The following ACOD1 variants were observed in gnomAD, a reference collection of about 807,000 sequenced individuals.
ACOD1 encodes aconitate decarboxylase 1, also known as cis-aconitate decarboxylase.
A neutral mutation model predicts 14.2 loss-of-function variants in ACOD1; 14 were observed. That is an observed-to-expected ratio of 0.99 (90% CI 0.65 to 1.54). The LOEUF (loss-of-function observed/expected upper bound fraction) is 1.54. Among genes scored for constraint, ACOD1 ranks in the 40% most tolerant of loss-of-function variants. ACOD1 has a pLI of 0.00. For missense variants in ACOD1, 530 were observed against 586.3 expected (o/e 0.90, Z 0.99); for synonymous variants, 182 against 221.7 (o/e 0.82, Z 1.59).
At chr13:76,954,588 C>T (rs1455227151) in intron 3 of ACOD1, among the ~76,000 whole-genome samples, 1 of 152,166 alleles carries the variant, frequency 6.6e-6, no homozygotes, top group Admixed American at 6.6e-5. Context: ...CGTATGGCCT[C>T]ATATGGAATA....
At position 76,957,675 on chromosome 13, in the gene ACOD1, C is replaced by A; in HGVS notation, c.1136C>A (p.Pro379Gln). ...CTGGAGTACCCTCCGGACAACTTGC[C>A]AAGCTTCAACATACTGTACTGTGAA... The part of the protein sequence containing the change: ...VELEYPPDNL[P>Q]SFNILYCEIS... The change falls in exon 5 of 5, where the codon CCA becomes CAA. Residue 379 changes from proline to glutamine, a missense_variant. Coordinates refer to ENST00000377462, the MANE Select transcript of ACOD1 (RefSeq NM_001258406.2). The A allele has an allele frequency of 3.2e-6, 5 of 1,550,598 alleles. No individual in the cohort carries two copies. Among genetic ancestry groups the A allele is most frequent in the Non-Finnish European group, 4.4e-6 (5 of 1,146,996 alleles).
At position 76,957,090 on chromosome 13, in the gene ACOD1, G is replaced by A; in HGVS notation, c.551G>A (p.Cys184Tyr). 6.4e-7 allele frequency: 1 copy of A among 1,550,646 alleles called. No individual in the cohort carries two copies. The highest frequency in any genetic ancestry group is 8.7e-7 in the Non-Finnish European group (1 of 1,147,010). Residue 184 changes from cysteine to tyrosine, a missense_variant, in exon 5 of 5, where the codon TGC becomes TAC. Cys to Tyr is a radical substitution (Grantham distance 194). Coordinates refer to ENST00000377462, the MANE Select transcript of ACOD1 (RefSeq NM_001258406.2). ...SKFLGLSSTK[C>Y]REALAIAVSH... ...TTTTTAGGACTTAGCTCGACAAAGT[G>A]CCGAGAAGCTCTGGCCATTGCTGTT...
Position 76,958,513 on chromosome 13 carries a change from T to C in ACOD1, c.*528T>C, listed in dbSNP as rs2033903168. The C allele has an allele frequency of 6.6e-6, 1 of 152,558 alleles. No homozygotes were observed. The highest frequency in any genetic ancestry group is 6.5e-5 in the Admixed American group (1 of 15,292). 9.5% of individuals were successfully genotyped at this position (152,558 alleles called of 1,614,324 possible). On this transcript the variant is annotated 3_prime_UTR_variant, in exon 5 of 5. Transcript: ENST00000377462. Reference sequence around the variant, plus strand: ...GTTACCATTAGCCCTCTGCCTCAGTTTCCCTATTTGTCAAGCCGAAGTAAA... The same window carrying C: ...GTTACCATTAGCCCTCTGCCTCAGTCTCCCTATTTGTCAAGCCGAAGTAAA...
chr13:76,953,258 T>C (rs2033840886), intron 2 of ACOD1, among the ~76,000 whole-genome samples: 1 of 152,246 alleles, frequency 6.6e-6, no homozygotes, highest in Admixed American at 6.5e-5. Flanking sequence ...GGGATGTATG[T>C]GAGAGCTCCT....
chr13:76,956,398 C>T lies in ACOD1; in HGVS notation c.471-612C>T, dbSNP rs35121126. On this transcript the variant is annotated intron_variant, in intron 4 of 4. Transcript: ENST00000377462. ...TGTATTTTTAGTAGAGACGGGGTTT[C>T]GTCATGTTGGCCAGGATGGTCTCGA... 8.7e-3 allele frequency among the ~76,000 whole-genome samples: 1,326 copies of T among 151,704 alleles called. 7 individuals are homozygous for T. The highest frequency in any genetic ancestry group is 0.048 in the Middle Eastern group (14 of 292).
intron 3 of ACOD1, 122 bp from the exon 4 acceptor site, chr13:76,955,197 C>A: frequency 5.5e-6 from 3 of 550,296 alleles, no homozygotes; most frequent in South Asian, 3.4e-5. Context: ...TTCTGAGAAT[C>A]AGATCAAAAG....
intron 1 of ACOD1, among the ~76,000 whole-genome samples, chr13:76,951,696 G>A (rs1035422067): frequency 6.6e-6 from 1 of 152,088 alleles, no homozygotes; most frequent in African/African-American, 2.4e-5. Context: ...CCACATTAGG[G>A]AGTAGCTGCC....
At position 76,957,020 on chromosome 13, in the gene ACOD1, C is replaced by G; in HGVS notation, c.481C>G (p.Pro161Ala). 1 of 1,547,304 alleles carries G rather than the reference C, an allele frequency of 6.5e-7. No individual in the cohort carries two copies. The highest frequency in any genetic ancestry group is 8.7e-7 in the Non-Finnish European group (1 of 1,144,924). The change falls in exon 5 of 5, where the codon CCT (proline) becomes GCT (alanine). Residue 161 changes from proline (P) to alanine (A), a missense_variant. By Grantham distance (27) the Pro-to-Ala change is conservative. Transcript: ENST00000377462. Reference protein sequence around the residue: ...ANDMPKRFHPPSVVGTLGSAA... With the variant: ...ANDMPKRFHPASVVGTLGSAA... ...TTCTTTGCTTTTCAGATTCCATCCC[C>G]CTTCCGTGGTAGGAACGTTGGGTAG... is the stretch of plus-strand genomic sequence containing the variant.
At chr13:76,952,765 C>A in intron 2 of ACOD1, 115 bp downstream of exon 2, 1 of 779,202 alleles carries the variant, frequency 1.3e-6, no homozygotes, top group Non-Finnish European at 2.0e-6. Flanking sequence ...TGTTCTATAT[C>A]ATTTTTATAA....
chr13:76,952,760 T>G, intron 2 of ACOD1, 110 bp downstream of exon 2: 4 of 805,110 alleles, frequency 5.0e-6, no homozygotes, highest in Non-Finnish European at 7.6e-6. Context: ...AGCACTGTTC[T>G]ATATCATTTT....
At position 76,958,029 on chromosome 13, in the gene ACOD1, T is replaced by C; in HGVS notation, c.*44T>C. 1 of 1,452,838 alleles carries C rather than the reference T, an allele frequency of 6.9e-7. No homozygotes were observed. Among genetic ancestry groups the C allele is most frequent in the Non-Finnish European group, 9.0e-7 (1 of 1,105,606 alleles). The allele number at this position is 1,452,838 out of a possible 1,614,324, so 90.0% of individuals were successfully genotyped here. On this transcript the variant is annotated 3_prime_UTR_variant, in exon 5 of 5. Transcript: ENST00000377462. ...TGACTTTGCATTTGGGGAGATTCAA[T>C]GATTTGGTTTGTAAAGCAAGGGTCT...
intron 3 of ACOD1, among the ~76,000 whole-genome samples, chr13:76,953,916 G>A (rs2033847711): frequency 6.6e-6 from 1 of 152,154 alleles, no homozygotes; most frequent in Admixed American, 6.5e-5. Context: ...GAAGATGGAA[G>A]GATTTAGATA....
chr13:76,957,512 G>A lies in ACOD1; in HGVS notation c.973G>A (p.Val325Ile). Residue 325 changes from valine to isoleucine, a missense_variant, in exon 5 of 5, where the codon GTT (valine) becomes ATT (isoleucine). Coordinates refer to ENST00000377462, the MANE Select transcript of ACOD1 (RefSeq NM_001258406.2). ...CCAGTATGTAAACAGGCCCTTTCCA[G>A]TTTCGGAGCATGAAGCCCGTCATTC... ...NVQYVNRPFP[V>I]SEHEARHSFQ... The A allele has an allele frequency of 6.4e-7, 1 of 1,550,606 alleles. No homozygotes were observed. Among genetic ancestry groups the A allele is most frequent in the African/African-American group, 1.4e-5 (1 of 73,154 alleles).
chr13:76,954,835 T>C (rs1025223165), intron 3 of ACOD1, among the ~76,000 whole-genome samples: 3 of 152,084 alleles, frequency 2.0e-5, no homozygotes, highest in Non-Finnish European at 4.4e-5. Context: ...ATGTGATTAA[T>C]AATCACAGCC....
chr13:76,955,209 A>G, intron 3 of ACOD1, 110 bp from the exon 4 acceptor site: 2 of 681,542 alleles, frequency 2.9e-6, no homozygotes, highest in Non-Finnish European at 5.0e-6. Context: ...GATCAAAAGA[A>G]TCTCACATAA....
chr13:76,958,110 A>T lies in ACOD1; in HGVS notation c.*125A>T. On this transcript the variant is annotated 3_prime_UTR_variant, in exon 5 of 5. Transcript: ENST00000377462. ...AAGATGGAGAGAGTCCAGAAACAGA[A>T]CTACATATATCTGGAAGGAGCCTTC... 1.0e-6 allele frequency: 1 copy of T among 959,340 alleles called. No homozygotes were observed. Among genetic ancestry groups the T allele is most frequent in the South Asian group, 1.9e-5 (1 of 53,118 alleles). The allele number at this position is 959,340 out of a possible 1,614,324, so 59.4% of individuals were successfully genotyped here. A position where few individuals can be genotyped will look rare whatever the true frequency, so the allele number is the denominator to read the frequency against.
In ACOD1 at chr13:76,957,724, A is replaced by G; in HGVS notation, c.1185A>G (p.Gly395=). 1 of 1,550,692 alleles carries G rather than the reference A, an allele frequency of 6.4e-7. No homozygotes were observed. ...AAATAAGTGTCACCCTCAAGGATGG[A>G]GCCACCTTCACAGATCGCTCTGATA... ...YCEISVTLKD[G]ATFTDRSDTF... is the part of the protein sequence containing the mutation. Residue 395 remains glycine, a synonymous_variant, in exon 5 of 5, where the codon GGA becomes GGG. Coordinates refer to ENST00000377462, the MANE Select transcript of ACOD1 (RefSeq NM_001258406.2).
intron 2 of ACOD1, 73 bp downstream of exon 2, chr13:76,952,723 G>T: frequency 7.7e-7 from 1 of 1,298,132 alleles, no homozygotes; most frequent in Non-Finnish European, 1.1e-6. Context: ...TCTATACTTC[G>T]TTTTATAGAC....
intron 1 of ACOD1, among the ~76,000 whole-genome samples, chr13:76,949,353 T>C (rs967658318): frequency 6.6e-6 from 1 of 152,232 alleles, no homozygotes. Context: ...TAAACAGAGA[T>C]GCAAATGCCA....
Sources: allele counts gnomAD v4.1 joint callset (sites outside exome capture counted in the v4.1 genomes callset), GRCh38; gene constraint gnomAD v4.1.1; transcripts MANE v1.5; gene names NCBI Gene and HGNC (gene_info 2026-07-23, HGNC 2026-07-21).